Variants in TXNDC11 observed in about 807,000 individuals in gnomAD.
TXNDC11 encodes the protein thioredoxin domain-containing protein 11.
Under a neutral mutation model 78.0 loss-of-function variants are expected in TXNDC11, and 68 were observed. That is an observed-to-expected ratio of 0.87 (90% CI 0.72 to 1.07). TXNDC11 has a LOEUF of 1.07. TXNDC11 is among the 50% of genes least tolerant of loss of function. TXNDC11 has a pLI of 0.00. For missense variants in TXNDC11, 1,389 were observed against 1,221.8 expected, an observed-to-expected ratio of 1.14 and a Z score of -2.04; for synonymous variants, 571 against 495.2, an observed-to-expected ratio of 1.15 and a Z score of -2.03.
intron 5 of TXNDC11, among the ~76,000 whole-genome samples, chr16:11,710,325 G>C (rs1162809424): frequency 6.2e-5 from 6 of 96,692 alleles, no homozygotes; most frequent in Non-Finnish European, 1.3e-4. Context: ...AGCTAGATGA[G>C]GTCTCTGTCA....
In TXNDC11 at chr16:11,717,538, C is replaced by T. The variant is rs566575721; in HGVS notation, c.793+4039G>A. Among the ~76,000 whole-genome samples the T allele has an allele frequency of 2.7e-5, 4 of 149,098 alleles. No individual in the cohort carries two copies. In the South Asian group the frequency reaches 8.5e-4, roughly 32 times the overall value. ...ATAACAGAAGTAAAAAAGGCTAACA[C>T]AGGCTGGGCGCAGTGGCTCACGCCT... On this transcript the variant is annotated intron_variant, in intron 5 of 11. Transcript: ENST00000283033.
intron 5 of TXNDC11, among the ~76,000 whole-genome samples, chr16:11,715,513 G>A (rs1250245477): frequency 6.6e-6 from 1 of 151,768 alleles, no homozygotes; most frequent in Admixed American, 6.6e-5. Context: ...CTACACTATG[G>A]TCTATTGAGC....
Position 11,742,642 on chromosome 16 carries a change from G to A in TXNDC11, c.89C>T (p.Ser30Leu), listed in dbSNP as rs760577512. ...GGTCGGGCTCGAGCTGAGGCAGTCTGAGCCCGCGGGGCCGCCGCCGCCCCC... is the reference window on the plus strand; with the variant it reads ...GGTCGGGCTCGAGCTGAGGCAGTCTAAGCCCGCGGGGCCGCCGCCGCCCCC... ...EGGGGGGPAGSDCLSSSPTLA... is the reference protein window; with the variant it reads ...EGGGGGGPAGLDCLSSSPTLA... Residue 30 changes from serine to leucine, a missense_variant, in exon 1 of 12, where the codon TCA becomes TTA. Coordinates refer to ENST00000283033, the MANE Select transcript of TXNDC11 (RefSeq NM_015914.7). The A allele has an allele frequency of 5.5e-6, 8 of 1,459,820 alleles. No homozygotes were observed. Among genetic ancestry groups the A allele is most frequent in the South Asian group, 1.3e-5 (1 of 76,142 alleles). 90.4% of individuals were successfully genotyped at this position (1,459,820 alleles called of 1,614,324 possible). A position where few individuals can be genotyped will look rare whatever the true frequency, so the allele number is the denominator to read the frequency against.
At chr16:11,686,706 C>T (rs890950578) in intron 10 of TXNDC11, among the ~76,000 whole-genome samples, 3 of 152,148 alleles carry the variant, frequency 2.0e-5, no homozygotes, top group Non-Finnish European at 4.4e-5. Context: ...ATAATTTCCC[C>T]ACTTGTTTAT....
intron 11 of TXNDC11, among the ~76,000 whole-genome samples, chr16:11,681,463 T>C (rs1373182274): frequency 1.3e-5 from 2 of 152,250 alleles, no homozygotes; most frequent in Non-Finnish European, 2.9e-5. Context: ...ACTAAAATAC[T>C]GCCACACTTT....
Position 11,691,512 on chromosome 16 carries a change from G to C in TXNDC11, c.1678C>G (p.Pro560Ala), listed in dbSNP as rs2050713340. ...TTTGTGCTAGTCATGTCCACTTCTG[G>C]AAAGAGATACCTGTTCTCCTCAATG... is the stretch of plus-strand genomic sequence containing the variant. ...PHIEENRYLF[P>A]EVDMTSTNFT... The change falls in exon 8 of 12, where the codon CCA (proline) becomes GCA (alanine). Residue 560 changes from proline to alanine, a missense_variant. By Grantham distance (27) the Pro-to-Ala change is conservative. Transcript: ENST00000283033. The C allele has an allele frequency of 3.1e-6, 5 of 1,614,182 alleles. 1 individual carries two copies. Among genetic ancestry groups the C allele is most frequent in the Middle Eastern group, 3.3e-4 (2 of 6,062 alleles).
At chr16:11,714,320 C>G (rs919608754) in intron 5 of TXNDC11, among the ~76,000 whole-genome samples, 12 of 152,306 alleles carry the variant, frequency 7.9e-5, no homozygotes, top group Middle Eastern at 3.4e-3. Flanking sequence ...CACCGTGCCC[C>G]GCCAAGATCT....
chr16:11,695,413 C>G (rs569785642), intron 7 of TXNDC11, among the ~76,000 whole-genome samples: 1 of 152,198 alleles, frequency 6.6e-6, no homozygotes, highest in Non-Finnish European at 1.5e-5. Context: ...CTCAACAATG[C>G]AAGCATCCTC....
At chr16:11,700,375 A>G (rs900680594) in intron 6 of TXNDC11, 77 bp downstream of exon 6, 4 of 656,390 alleles carry the variant, frequency 6.1e-6, no homozygotes, top group Non-Finnish European at 7.9e-6. Flanking sequence ...GATTTTAACC[A>G]ATTCTCAAAG....
At chr16:11,728,449 G>A (rs2051948593) in intron 4 of TXNDC11, among the ~76,000 whole-genome samples, 1 of 152,226 alleles carries the variant, frequency 6.6e-6, no homozygotes, top group Non-Finnish European at 1.5e-5. Context: ...AAGGCTGACA[G>A]AAGTGATCTA....
chr16:11,706,808 A>G (rs1356426409), intron 5 of TXNDC11, among the ~76,000 whole-genome samples: 1 of 152,198 alleles, frequency 6.6e-6, no homozygotes, highest in Non-Finnish European at 1.5e-5. Flanking sequence ...TAGTTTGGAT[A>G]AAAGCTTTTT....
At chr16:11,681,215 C>T (rs1166828028) in intron 11 of TXNDC11, among the ~76,000 whole-genome samples, 1 of 152,164 alleles carries the variant, frequency 6.6e-6, no homozygotes, top group Admixed American at 6.5e-5. Context: ...GAAAACACAT[C>T]GTGGCCCTGT....
intron 5 of TXNDC11, among the ~76,000 whole-genome samples, chr16:11,708,163 G>C (rs994344456): frequency 1.2e-4 from 18 of 152,148 alleles, no homozygotes; most frequent in African/African-American, 4.1e-4. Flanking sequence ...TGCCAGAGTG[G>C]TAATGATGAA....
chr16:11,691,583 G>A lies in TXNDC11; in HGVS notation c.1607C>T (p.Ser536Phe), dbSNP rs778149263. 14 of 1,614,110 alleles carry A rather than the reference G, an allele frequency of 8.7e-6. No homozygotes were observed. Among genetic ancestry groups the A allele is most frequent in the African/African-American group, 1.3e-5 (1 of 74,932 alleles). ...ATCAACCTCACATTTCTTCTCAAGG[G>A]AAGAAAATGCAACAGTAGGGGCTTC... ...VFEAPTVAFSSLEKKCEVDAP... is the reference protein window; with the variant it reads ...VFEAPTVAFSFLEKKCEVDAP... The change falls in exon 8 of 12, where the codon TCC becomes TTC. Residue 536 changes from serine (S) to phenylalanine (F), a missense_variant. Ser to Phe is a radical substitution (Grantham distance 155, BLOSUM62 -2). Transcript: ENST00000283033.
intron 4 of TXNDC11, among the ~76,000 whole-genome samples, chr16:11,724,061 C>A (rs1192715829): frequency 6.6e-6 from 1 of 152,112 alleles, no homozygotes; most frequent in Non-Finnish European, 1.5e-5. Context: ...CCCCTCAGAT[C>A]ACTTGAGGCC....
rs2050698638 is a variant in TXNDC11 at position 11,690,975 on chromosome 16, A to G, written c.1900+315T>C. 1.4e-4 allele frequency: 50 copies of G among 356,194 alleles called. 2 individuals are homozygous for G. The South Asian group carries it at 1.5e-3, about 11-fold the overall frequency. The allele number at this position is 356,194 out of a possible 1,614,324, so 22.1% of individuals were successfully genotyped here. On this transcript the variant is annotated intron_variant, in intron 8 of 11. Transcript: ENST00000283033. ...ACCTCCCTGCCTGTTCTAGTCCCCA[A>G]GTCCCCACTGCCTGCAGCTGGTTCT...
Position 11,679,877 on chromosome 16 carries a change from C to G in TXNDC11, c.2235-40G>C, listed in dbSNP as rs8191352. On this transcript the variant is annotated intron_variant, in intron 11 of 11. Coordinates refer to ENST00000283033, the MANE Select transcript of TXNDC11 (RefSeq NM_015914.7). This position sits in a 1 kb window ranked among gnomAD's most constrained non-coding sequence, Gnocchi z 4.6. ...AAAGGAAGCAAAGACAGGAGTCACA[C>G]CAACACAATGAGTCCAAAAGCAGGC... The G allele has an allele frequency of 0.066, 103,444 of 1,564,620 alleles. 4,299 individuals carry two copies. The highest frequency in any genetic ancestry group is 0.19 in the East Asian group (8,576 of 44,392).
At chr16:11,742,429 G>A in intron 1 of TXNDC11, 48 bp downstream of exon 1, 1 of 1,343,364 alleles carries the variant, frequency 7.4e-7, no homozygotes, top group South Asian at 1.8e-5. Flanking sequence ...CCAGGCGGCA[G>A]AGCAAGGGGA....
intron 10 of TXNDC11, among the ~76,000 whole-genome samples, chr16:11,686,752 T>A (rs1039614687): frequency 2.0e-5 from 3 of 152,242 alleles, no homozygotes; most frequent in Admixed American, 1.3e-4. Flanking sequence ...CCTGCTCACA[T>A]CCTTTGTTCA....
Sources: gnomAD v4.1 joint callset for allele counts (sites outside exome capture counted in the v4.1 genomes callset) on GRCh38, gnomAD v4.1.1 for gene constraint, Gnocchi (gnomAD v3.1) non-coding constraint, MANE v1.5 for transcripts, NCBI Gene and HGNC (gene_info 2026-07-23, HGNC 2026-07-21) for gene names.